NCKAP5: variants seen among roughly 807,000 people sequenced by gnomAD.
The protein encoded by NCKAP5 is nck-associated protein 5.
Under a neutral mutation model 167.0 loss-of-function variants are expected in NCKAP5, and 92 were observed. The observed-to-expected ratio is 0.55, with a 90% CI of 0.47 to 0.66. The LOEUF (loss-of-function observed/expected upper bound fraction) is 0.66. Ranked by LOEUF, NCKAP5 falls within the 30% of genes least tolerant of loss-of-function variation. NCKAP5 has a pLI of 0.00. For synonymous variants in NCKAP5, 891 were observed against 877.4 expected, an observed-to-expected ratio of 1.02 and a Z score of -0.27; for missense variants, 2,378 against 2,315.0, an observed-to-expected ratio of 1.03 and a Z score of -0.56.
intron 4 of NCKAP5, among the ~76,000 whole-genome samples, chr2:133,287,705 C>T: frequency 6.6e-6 from 1 of 152,082 alleles, no homozygotes; most frequent in Non-Finnish European, 1.5e-5. Context: ...ATTATGTATA[C>T]TTATATGAAA....
At chr2:133,130,351 T>C (rs1440101332) in intron 5 of NCKAP5, among the ~76,000 whole-genome samples, 1 of 152,164 alleles carries the variant, frequency 6.6e-6, no homozygotes, top group Non-Finnish European at 1.5e-5. Context: ...GACTCCCAGG[T>C]GACTTAATTC....
chr2:133,544,729 C>T (rs1686517449), intron 2 of NCKAP5, among the ~76,000 whole-genome samples: 1 of 152,156 alleles, frequency 6.6e-6, no homozygotes, highest in Non-Finnish European at 1.5e-5. Context: ...GCTAAAGGTG[C>T]CCTTTCCTTT....
intron 11 of NCKAP5, among the ~76,000 whole-genome samples, chr2:132,850,895 C>T (rs1203663875): frequency 4.6e-5 from 7 of 152,060 alleles, no homozygotes; most frequent in South Asian, 4.1e-4. Flanking sequence ...GGCCTTTCTC[C>T]GGTCACCAGT....
chr2:133,428,629 A>C (rs1054739435), intron 3 of NCKAP5, among the ~76,000 whole-genome samples: 1 of 152,176 alleles, frequency 6.6e-6, no homozygotes, highest in Non-Finnish European at 1.5e-5. Flanking sequence ...CATAATTTAC[A>C]TAACTCATCA....
chr2:132,880,386 T>C (rs370725463), intron 8 of NCKAP5, among the ~76,000 whole-genome samples: 39 of 152,218 alleles, frequency 2.6e-4, no homozygotes, highest in African/African-American at 9.4e-4. Context: ...TCCCAGCACT[T>C]TGGGAGGCAG....
Position 133,325,602 on chromosome 2 carries a change from T to C in NCKAP5, c.70-22492A>G, listed in dbSNP as rs927864298. On this transcript the variant is annotated intron_variant, in intron 3 of 19. Transcript: ENST00000409261. ...ATTGTTGGGTGCAGGCACTGGACAT[T>C]TGTTATTTTGGAGTACATCAAGCCC... 2.6e-5 allele frequency among the ~76,000 whole-genome samples: 4 copies of C among 152,152 alleles called. No homozygotes were observed. The East Asian group carries it at 7.7e-4, about 29-fold the overall frequency.
intron 4 of NCKAP5, among the ~76,000 whole-genome samples, chr2:133,241,334 G>C (rs929144290): frequency 6.6e-6 from 1 of 152,182 alleles, no homozygotes; most frequent in African/African-American, 2.4e-5. Context: ...CACATCACAT[G>C]CTGGAGCTGA....
chr2:132,800,999 G>A (rs1354470813), intron 11 of NCKAP5, among the ~76,000 whole-genome samples: 1 of 152,182 alleles, frequency 6.6e-6, no homozygotes, highest in African/African-American at 2.4e-5. Context: ...TTACAGTCAG[G>A]TGTGCCCACA....
intron 8 of NCKAP5, among the ~76,000 whole-genome samples, chr2:132,909,737 A>G (rs961295520): frequency 1.1e-4 from 16 of 152,188 alleles, no homozygotes; most frequent in Non-Finnish European, 2.9e-5. Flanking sequence ...CTACAGATGG[A>G]AAACAGGAGG....
intron 3 of NCKAP5, among the ~76,000 whole-genome samples, chr2:133,454,443 C>T (rs1691726808): frequency 1.3e-5 from 2 of 152,032 alleles, no homozygotes; most frequent in Admixed American, 6.6e-5. Flanking sequence ...ATGGGCATCT[C>T]ATTAATATTC....
intron 6 of NCKAP5, among the ~76,000 whole-genome samples, chr2:133,021,399 T>C (rs901092925): frequency 1.3e-5 from 2 of 152,170 alleles, no homozygotes; most frequent in Non-Finnish European, 2.9e-5. Flanking sequence ...ATAGATATTC[T>C]TCCACTTCAA....
intron 13 of NCKAP5, among the ~76,000 whole-genome samples, chr2:132,787,216 C>G (rs913194483): frequency 2.0e-5 from 3 of 151,970 alleles, no homozygotes; most frequent in Admixed American, 2.0e-4. Context: ...TGCATGTTGG[C>G]GGGTGCCTGT....
rs571978793 is a variant in NCKAP5 at position 132,889,642 on chromosome 2, A to C, written c.580-10726T>G. On this transcript the variant is annotated intron_variant, in intron 8 of 19. Coordinates refer to ENST00000409261, the MANE Select transcript of NCKAP5 (RefSeq NM_207363.3). ...GCAATCAAAACAATGACAAAGGTGC[A>C]CATTGGACTAAATAAAAATAACACA... Among the ~76,000 whole-genome samples the C allele has an allele frequency of 4.6e-5, 7 of 152,358 alleles. No individual in the cohort carries two copies. In the South Asian group the frequency reaches 1.4e-3, roughly 32 times the overall value.
chr2:133,285,838 T>A (rs1679080235), intron 4 of NCKAP5, among the ~76,000 whole-genome samples: 1 of 152,192 alleles, frequency 6.6e-6, no homozygotes, highest in African/African-American at 2.4e-5. Flanking sequence ...TCCTTCCCAA[T>A]ATTCCTTAAC....
chr2:133,356,727 A>G (rs1684741628), intron 3 of NCKAP5, among the ~76,000 whole-genome samples: 1 of 152,252 alleles, frequency 6.6e-6, no homozygotes, highest in Non-Finnish European at 1.5e-5. Context: ...CTCAGGAGTT[A>G]AAGCTAAATA....
At chr2:133,145,709 G>T (rs796783864) in intron 5 of NCKAP5, among the ~76,000 whole-genome samples, 1 of 151,922 alleles carries the variant, frequency 6.6e-6, no homozygotes, top group Admixed American at 6.6e-5. Context: ...AACTTCAGAC[G>T]TCCTTTTGTC....
chr2:133,151,821 G>T (rs566288298), intron 5 of NCKAP5, among the ~76,000 whole-genome samples: 157 of 152,222 alleles, frequency 1.0e-3, no homozygotes, highest in Non-Finnish European at 1.7e-3. Context: ...AATGCACATG[G>T]CTGGGAGCAG....
At chr2:133,467,141 T>A (rs1356804580) in intron 3 of NCKAP5, among the ~76,000 whole-genome samples, 1 of 151,878 alleles carries the variant, frequency 6.6e-6, no homozygotes, top group Non-Finnish European at 1.5e-5. Context: ...ATACTGGCTG[T>A]GGGTTTGTCA....
At chr2:132,727,674 T>A (rs1035254656) in intron 18 of NCKAP5, among the ~76,000 whole-genome samples, 1 of 152,174 alleles carries the variant, frequency 6.6e-6, no homozygotes, top group Non-Finnish European at 1.5e-5. Context: ...CAGACCCACG[T>A]CTTGTGGAGG....
Sources: gnomAD v4.1 joint callset for allele counts (sites outside exome capture counted in the v4.1 genomes callset) on GRCh38, gnomAD v4.1.1 for gene constraint, MANE v1.5 for transcripts, NCBI Gene and HGNC (gene_info 2026-07-23, HGNC 2026-07-21) for gene names.